Variants in KCNK2 observed in about 807,000 individuals in gnomAD.
KCNK2 encodes the protein potassium two pore domain channel subfamily K member 2.
Under a neutral mutation model 40.5 loss-of-function variants are expected in KCNK2, and 21 were observed. The ratio of observed to expected loss-of-function variants is 0.52; its 90% CI spans 0.37 to 0.75. KCNK2 has a LOEUF of 0.75. Ranked by LOEUF, KCNK2 falls within the 30% of genes least tolerant of loss-of-function variation. The pLI is 0.00. For missense variants in KCNK2, 399 were observed against 531.6 expected, an observed-to-expected ratio of 0.75 and a Z score of 2.45; for synonymous variants, 191 against 202.2, an observed-to-expected ratio of 0.94 and a Z score of 0.47.
chr1:215,169,967 T>G (rs529444126), intron 4 of KCNK2, among the ~76,000 whole-genome samples: 1 of 152,210 alleles, frequency 6.6e-6, no homozygotes, highest in South Asian at 2.1e-4. Flanking sequence ...TCATATGTAG[T>G]GTCTCCCAGC....
chr1:215,183,381 G>T (rs952778031), intron 5 of KCNK2, among the ~76,000 whole-genome samples: 2 of 152,000 alleles, frequency 1.3e-5, no homozygotes, highest in Non-Finnish European at 2.9e-5. Flanking sequence ...TTCAAACTTA[G>T]GACAGCATTT....
intron 3 of KCNK2, among the ~76,000 whole-genome samples, chr1:215,164,556 G>A (rs535546064): frequency 2.6e-5 from 4 of 152,122 alleles, no homozygotes; most frequent in South Asian, 4.2e-4. Flanking sequence ...GGCATTTAGT[G>A]CTATAAATTT....
At chr1:215,121,141 A>G (rs769077491) in intron 2 of KCNK2, among the ~76,000 whole-genome samples, 2 of 152,234 alleles carry the variant, frequency 1.3e-5, no homozygotes, top group Non-Finnish European at 1.5e-5. Context: ...ATAAAATGCC[A>G]TTATTTTAAA....
intron 6 of KCNK2, among the ~76,000 whole-genome samples, chr1:215,221,284 G>C (rs1435991737): frequency 6.6e-6 from 1 of 152,218 alleles, no homozygotes; most frequent in Non-Finnish European, 1.5e-5. Context: ...TGAGGCAGGA[G>C]AGTTGCTTGA....
chr1:215,075,545 C>G (rs1210256296), intron 1 of KCNK2, among the ~76,000 whole-genome samples: 3 of 152,196 alleles, frequency 2.0e-5, no homozygotes, highest in Non-Finnish European at 4.4e-5. Context: ...ACTGGAAAAT[C>G]TCTTTCTGCT....
chr1:215,215,043 G>C (rs1040027604), intron 6 of KCNK2, among the ~76,000 whole-genome samples: 1 of 152,136 alleles, frequency 6.6e-6, no homozygotes, highest in Non-Finnish European at 1.5e-5. Context: ...AAGAAGATAA[G>C]GAGGCTAGTG....
intron 5 of KCNK2, among the ~76,000 whole-genome samples, chr1:215,191,057 T>C (rs1042993011): frequency 5.9e-5 from 9 of 151,644 alleles, no homozygotes; most frequent in African/African-American, 2.2e-4. Flanking sequence ...GGCCAAGGCA[T>C]GCAGATCACT....
intron 3 of KCNK2, among the ~76,000 whole-genome samples, chr1:215,139,656 G>T (rs1425226362): frequency 6.6e-6 from 1 of 152,114 alleles, no homozygotes; most frequent in African/African-American, 2.4e-5. Context: ...GGTGGTGCAT[G>T]CCTGCAATCC....
intron 1 of KCNK2, among the ~76,000 whole-genome samples, chr1:215,040,615 T>C (rs1558065987): frequency 6.6e-6 from 1 of 152,172 alleles, no homozygotes; most frequent in Non-Finnish European, 1.5e-5. Flanking sequence ...GGCAAGTGGC[T>C]ATCACTAGAA....
In KCNK2 at chr1:215,158,857, T is replaced by C. The variant is rs140708201; in HGVS notation, c.476-10342T>C. Reference sequence around the variant, plus strand: ...CTTAGCAGGACTCTGAGATAATCAGTGAACCCATGTCAAAATAGTGCACCC... The same window carrying C: ...CTTAGCAGGACTCTGAGATAATCAGCGAACCCATGTCAAAATAGTGCACCC... On this transcript the variant is annotated intron_variant, in intron 3 of 6. Transcript: ENST00000444842. Among the ~76,000 whole-genome samples the C allele has an allele frequency of 3.0e-3, 454 of 152,228 alleles. 4 individuals are homozygous for C. The highest frequency in any genetic ancestry group is 0.01 in the African/African-American group (427 of 41,502).
intron 6 of KCNK2, among the ~76,000 whole-genome samples, chr1:215,227,872 G>A (rs750304360): frequency 7.2e-4 from 109 of 151,918 alleles, no homozygotes; most frequent in Non-Finnish European, 1.2e-3. Flanking sequence ...AGAACTTGAT[G>A]TAAGATTCAG....
intron 1 of KCNK2, among the ~76,000 whole-genome samples, chr1:215,007,011 A>ATGTGTGTGTGTGTGTG (rs1458691596): frequency 5.8e-5 from 1 of 17,242 alleles, no homozygotes; most frequent in African/African-American, 9.6e-5. Context: ...ATATATATAT[A>ATGTGTGTGTGTGTGTG]TATATATATA....
At chr1:215,035,004 A>G (rs1657334973) in intron 1 of KCNK2, among the ~76,000 whole-genome samples, 1 of 152,036 alleles carries the variant, frequency 6.6e-6, no homozygotes, top group Non-Finnish European at 1.5e-5. Flanking sequence ...TCCATTACCT[A>G]CAATTTATTT....
intron 2 of KCNK2, among the ~76,000 whole-genome samples, chr1:215,110,758 C>T (rs1660648101): frequency 6.6e-6 from 1 of 151,864 alleles, no homozygotes; most frequent in East Asian, 1.9e-4. Flanking sequence ...TGCCCCCACA[C>T]ATGCATAGCT....
intron 3 of KCNK2, among the ~76,000 whole-genome samples, chr1:215,158,600 CT>C (rs1346400235): frequency 6.6e-6 from 1 of 151,970 alleles, no homozygotes; most frequent in African/African-American, 2.4e-5. Context: ...ATTTTTTTCC[CT>C]GATCCTTCCT....
At chr1:215,094,858 T>G (rs2102543169) in intron 2 of KCNK2, among the ~76,000 whole-genome samples, 1 of 152,214 alleles carries the variant, frequency 6.6e-6, no homozygotes, top group East Asian at 1.9e-4. Flanking sequence ...TTAAAAATAA[T>G]GGCTAGAATA....
intron 5 of KCNK2, among the ~76,000 whole-genome samples, chr1:215,179,965 C>A (rs1664157764): frequency 1.3e-5 from 2 of 151,914 alleles, no homozygotes; most frequent in African/African-American, 4.8e-5. Context: ...GTGTTGAGGT[C>A]CCTCACTCTT....
chr1:215,201,996 A>T (rs531148483), intron 6 of KCNK2, among the ~76,000 whole-genome samples: 1 of 152,238 alleles, frequency 6.6e-6, no homozygotes, highest in African/African-American at 2.4e-5. Context: ...ACTGTTTGGT[A>T]CAATTTTTCT....
intron 1 of KCNK2, among the ~76,000 whole-genome samples, chr1:215,008,082 A>G (rs1656248328): frequency 6.6e-6 from 1 of 152,022 alleles, no homozygotes; most frequent in Non-Finnish European, 1.5e-5. Context: ...GACCTTGACC[A>G]AGAAATGACA....
Sources: allele counts gnomAD v4.1 joint callset (sites outside exome capture counted in the v4.1 genomes callset), GRCh38; gene constraint gnomAD v4.1.1; transcripts MANE v1.5; gene names NCBI Gene and HGNC (gene_info 2026-07-23, HGNC 2026-07-21).